Variants in ZNF365 observed in about 807,000 individuals in gnomAD.
ZNF365 encodes zinc finger protein 365.
In ZNF365, 22 loss-of-function variants were observed where a neutral mutation model predicts 35.0. The ratio of observed to expected loss-of-function variants is 0.63; its 90% CI spans 0.45 to 0.90. The LOEUF (loss-of-function observed/expected upper bound fraction) is 0.90, where lower values mean the gene tolerates loss of function less well. Among genes scored for constraint, ZNF365 ranks in the 40% least tolerant of loss-of-function variants. ZNF365 has a pLI of 0.00. For synonymous variants in ZNF365, 188 were observed against 196.2 expected, an observed-to-expected ratio of 0.96 and a Z score of 0.35; for missense variants, 448 against 500.3, an observed-to-expected ratio of 0.90 and a Z score of 1.00.
At chr10:62,380,256 A>G (rs1839414723) in intron 2 of ZNF365, among the ~76,000 whole-genome samples, 1 of 152,202 alleles carries the variant, frequency 6.6e-6, no homozygotes, top group South Asian at 2.1e-4. Flanking sequence ...AAGAGGTTTT[A>G]TTGTCTGTGC....
At chr10:62,459,846 G>A (rs1258529084) in intron 4 of ZNF365, 5 of 1,549,884 alleles carry the variant, frequency 3.2e-6, no homozygotes, top group Non-Finnish European at 4.4e-6. Flanking sequence ...ACAATAACCA[G>A]CAGCCCATCT....
chr10:62,417,530 T>A (rs1363757985), intron 3 of ZNF365, among the ~76,000 whole-genome samples: 1 of 152,052 alleles, frequency 6.6e-6, no homozygotes, highest in Non-Finnish European at 1.5e-5. Flanking sequence ...ATAAAACCAC[T>A]GGGACACTTG....
At chr10:62,411,817 C>T (rs1326042762) in intron 3 of ZNF365, among the ~76,000 whole-genome samples, 1 of 151,890 alleles carries the variant, frequency 6.6e-6, no homozygotes, top group African/African-American at 2.4e-5. Flanking sequence ...AGACAATGTA[C>T]CAGAATCTCT....
intron 4 of ZNF365, among the ~76,000 whole-genome samples, chr10:62,463,073 T>A (rs916322286): frequency 2.0e-5 from 3 of 152,228 alleles, no homozygotes; most frequent in African/African-American, 7.2e-5. Context: ...CCAATACTTT[T>A]GAGGGTTAAA....
At chr10:62,386,416 A>G (rs917728414) in intron 2 of ZNF365, among the ~76,000 whole-genome samples, 3 of 152,238 alleles carry the variant, frequency 2.0e-5, no homozygotes, top group African/African-American at 4.8e-5. Flanking sequence ...AGCTACTGAA[A>G]GATGATGGAA....
intron 4 of ZNF365, chr10:62,479,872 C>T: frequency 6.2e-7 from 1 of 1,607,162 alleles, no homozygotes; most frequent in South Asian, 1.1e-5. Flanking sequence ...GCTTTTATGA[C>T]TAGGAGTCTG....
intron 4 of ZNF365, among the ~76,000 whole-genome samples, chr10:62,477,885 T>A (rs761403389): frequency 6.6e-6 from 1 of 152,192 alleles, no homozygotes; most frequent in Non-Finnish European, 1.5e-5. Context: ...TGTGGGGTGG[T>A]GTTTATAATC....
intron 4 of ZNF365, among the ~76,000 whole-genome samples, chr10:62,473,609 T>G (rs986842775): frequency 2.2e-5 from 3 of 139,450 alleles, no homozygotes; most frequent in African/African-American, 7.6e-5. Flanking sequence ...AGAAGACAAA[T>G]AGTGTCTTCT....
rs118002986 is a variant in ZNF365, at chr10:62,387,969, C to T, written c.744-427C>T. Reference sequence around the variant, plus strand: ...CTAGCTCCCTCCTCCATGTAGACCCCCTTGCTGTACCTCAGACCCATCTGC... The same window carrying T: ...CTAGCTCCCTCCTCCATGTAGACCCTCTTGCTGTACCTCAGACCCATCTGC... On this transcript the variant is annotated intron_variant, in intron 2 of 4. Coordinates refer to ENST00000395254, the MANE Select transcript of ZNF365 (RefSeq NM_014951.3). 9.9e-5 allele frequency among the ~76,000 whole-genome samples: 15 copies of T among 152,248 alleles called. No individual in the cohort carries two copies. In the East Asian group the frequency reaches 2.9e-3, roughly 29 times the overall value.
intron 3 of ZNF365, among the ~76,000 whole-genome samples, chr10:62,398,026 T>G (rs1467479832): frequency 6.6e-6 from 1 of 152,204 alleles, no homozygotes; most frequent in Non-Finnish European, 1.5e-5. Context: ...ATGTTGTCTT[T>G]TATCCGTCAC....
intron 3 of ZNF365, among the ~76,000 whole-genome samples, chr10:62,449,134 C>T (rs1840638233): frequency 1.3e-5 from 2 of 152,126 alleles, no homozygotes; most frequent in Non-Finnish European, 2.9e-5. Flanking sequence ...GTCTTTATTG[C>T]CCAAGAGAAA....
chr10:62,428,799 C>T (rs1374223949), intron 3 of ZNF365, among the ~76,000 whole-genome samples: 1 of 152,142 alleles, frequency 6.6e-6, no homozygotes, highest in African/African-American at 2.4e-5. Flanking sequence ...AGACTCCTTC[C>T]CTAGATATGT....
chr10:62,451,345 G>C (rs993920611), intron 3 of ZNF365, among the ~76,000 whole-genome samples: 4 of 152,004 alleles, frequency 2.6e-5, no homozygotes, highest in Admixed American at 1.3e-4. Context: ...TGCTCAATTT[G>C]AGCTGCTCGT....
chr10:62,398,631 C>G, intron 3 of ZNF365, 109 bp from the exon 4 acceptor site: 1 of 965,112 alleles, frequency 1.0e-6, no homozygotes, highest in Admixed American at 2.2e-5. Context: ...GTAGCAGTCA[C>G]TGACTCCCTT....
At chr10:62,399,352 G>C (rs941643307) in intron 4 of ZNF365, among the ~76,000 whole-genome samples, 176 bp from the exon 5 acceptor site, 9 of 151,976 alleles carry the variant, frequency 5.9e-5, no homozygotes, top group Non-Finnish European at 8.8e-5. Flanking sequence ...TTTTCATGGC[G>C]ACCACAGGAA....
At chr10:62,418,461 CA>C (rs985367594) in intron 3 of ZNF365, among the ~76,000 whole-genome samples, 1 of 151,786 alleles carries the variant, frequency 6.6e-6, no homozygotes, top group Admixed American at 6.6e-5. Context: ...GACTTCTCTT[CA>C]AAAAAAGAAG....
Position 62,395,504 on chromosome 10 carries a change from A to ATT in ZNF365, c.925-3214_925-3213dup, listed in dbSNP as rs67866839. 2.0e-3 allele frequency among the ~76,000 whole-genome samples: 199 copies of ATT among 98,438 alleles called. 1 individual carries two copies. The highest frequency in any genetic ancestry group is 8.9e-3 in the South Asian group (24 of 2,694). The allele number at this position is 98,438 out of a possible 152,430, so 64.6% of individuals were successfully genotyped here. A position where few individuals can be genotyped will look rare whatever the true frequency, so the allele number is the denominator to read the frequency against. On this transcript the variant is annotated intron_variant, in intron 3 of 4. Coordinates refer to ENST00000395254, the MANE Select transcript of ZNF365 (RefSeq NM_014951.3). ...AGGCACCCACCACCACACCCGGCTA[A>ATT]TTTTTTTTTTTTTTTTTTTTTTTGT... is the stretch of plus-strand genomic sequence containing the variant.
chr10:62,456,965 G>A (rs909438245), intron 3 of ZNF365, among the ~76,000 whole-genome samples: 2 of 152,202 alleles, frequency 1.3e-5, no homozygotes, highest in Non-Finnish European at 2.9e-5. Context: ...GCTGATCTTA[G>A]TAGGAGCTGC....
intron 3 of ZNF365, among the ~76,000 whole-genome samples, chr10:62,413,388 CTTAT>C (rs2132441263): frequency 6.6e-6 from 1 of 152,266 alleles, no homozygotes; most frequent in African/African-American, 2.4e-5. Context: ...GCTCCCTAAA[CTTAT>C]TTGACCATGG....
Sources: allele counts gnomAD v4.1 joint callset (sites outside exome capture counted in the v4.1 genomes callset), GRCh38; gene constraint gnomAD v4.1.1; transcripts MANE v1.5; gene names NCBI Gene and HGNC (gene_info 2026-07-23, HGNC 2026-07-21).